RNF217: variants seen among roughly 807,000 people sequenced by gnomAD.
RNF217 encodes the protein E3 ubiquitin-protein ligase RNF217.
In RNF217, 31 loss-of-function variants were observed where a neutral mutation model predicts 57.8. The observed-to-expected ratio is 0.54, with a 90% confidence interval of 0.40 to 0.72. The LOEUF (loss-of-function observed/expected upper bound fraction) is 0.72, where lower values mean the gene tolerates loss of function less well. Among genes scored for constraint, RNF217 ranks in the 30% least tolerant of loss-of-function variants. The pLI, the probability that RNF217 is intolerant of heterozygous loss-of-function variation, is 0.00. For missense variants in RNF217, 696 were observed against 708.3 expected, an observed-to-expected ratio of 0.98 and a Z score of 0.20; for synonymous variants, 313 against 294.0, an observed-to-expected ratio of 1.06 and a Z score of -0.66.
chr6:125,044,502 A>T (rs485640), intron 1 of RNF217, among the ~76,000 whole-genome samples: 67,890 of 151,914 alleles, frequency 0.45, 15,518 homozygotes, highest in Admixed American at 0.54. Context: ...CTTCTCTCCT[A>T]ATCTAGCTTC....
At chr6:124,981,291 C>G (rs954290759) in intron 1 of RNF217, among the ~76,000 whole-genome samples, 1 of 152,064 alleles carries the variant, frequency 6.6e-6, no homozygotes, top group African/African-American at 2.4e-5. Flanking sequence ...ATATCTGAGA[C>G]GGGTTTCAGT....
intron 1 of RNF217, chr6:125,009,250 A>T (rs1261112242): frequency 6.2e-7 from 1 of 1,610,800 alleles, no homozygotes; most frequent in Non-Finnish European, 8.5e-7. Flanking sequence ...CTTCTCATCC[A>T]CACCCATAAA....
intron 1 of RNF217, among the ~76,000 whole-genome samples, chr6:124,978,495 A>G (rs1784046813): frequency 6.6e-6 from 1 of 151,480 alleles, no homozygotes; most frequent in Admixed American, 6.6e-5. Context: ...TGGAGCCCCA[A>G]GGGGGGTTAC....
chr6:125,045,252 G>A lies in RNF217; in HGVS notation c.924G>A (p.Glu308=). 6.2e-7 allele frequency: 1 copy of A among 1,613,162 alleles called. No homozygotes were observed. ...TAGAAATCAAATGCCCCATCACAGA[G>A]TGTTTTGAATTCTTGGAAGAAACAA... The part of the protein sequence containing the change: ...GQVEIKCPIT[E]CFEFLEETTV... Residue 308 remains glutamate (E), a synonymous_variant, in exon 2 of 6, where the codon GAG becomes GAA. Transcript: ENST00000521654.
intron 3 of RNF217, among the ~76,000 whole-genome samples, chr6:125,075,792 A>G (rs2114640433): frequency 6.6e-6 from 1 of 152,292 alleles, no homozygotes; most frequent in Middle Eastern, 3.4e-3. Flanking sequence ...TCTAATTTCT[A>G]TACAATATCT....
intron 1 of RNF217, among the ~76,000 whole-genome samples, chr6:124,968,132 A>G (rs1225874113): frequency 6.6e-6 from 1 of 152,168 alleles, no homozygotes; most frequent in African/African-American, 2.4e-5. Context: ...ATTTTTGGAA[A>G]CCATTGTGTT....
At chr6:125,015,564 A>C (rs1187044762) in intron 1 of RNF217, among the ~76,000 whole-genome samples, 1 of 152,040 alleles carries the variant, frequency 6.6e-6, no homozygotes, top group African/African-American at 2.4e-5. Flanking sequence ...AATAAACATA[A>C]ATGCCAAGTT....
rs117846937 is a variant in RNF217, at chr6:125,054,955, T to A, written c.1117-2987T>A. On this transcript the variant is annotated intron_variant, in intron 2 of 5. Transcript: ENST00000521654. Reference sequence around the variant, plus strand: ...GAAGGCAGGCACTCCATGTGGTGGGTATGTGGTTGTGAGATAGCATTTCAT... The same window carrying A: ...GAAGGCAGGCACTCCATGTGGTGGGAATGTGGTTGTGAGATAGCATTTCAT... Among the ~76,000 whole-genome samples the A allele has an allele frequency of 7.2e-4, 110 of 152,176 alleles. 1 individual carries two copies. In the East Asian group the frequency reaches 0.019, roughly 26 times the overall value.
At position 124,962,797 on chromosome 6, in the gene RNF217, G is replaced by C; in HGVS notation, c.253G>C (p.Ala85Pro). 1 of 1,597,378 alleles carries C rather than the reference G, an allele frequency of 6.3e-7. No homozygotes were observed. The highest frequency in any genetic ancestry group is 8.5e-7 in the Non-Finnish European group (1 of 1,179,576). Residue 85 changes from alanine (A) to proline (P), a missense_variant, in exon 1 of 6, where the codon GCG becomes CCG. By Grantham distance (27) the Ala-to-Pro change is conservative. This residue lies in a region of RNF217 where 465 missense variants were observed against 386.8 expected (regional missense o/e 1.20). Coordinates refer to ENST00000521654, the MANE Select transcript of RNF217 (RefSeq NM_001286398.3). This position sits in a 1 kb window ranked among gnomAD's most constrained non-coding sequence, Gnocchi z 4.6. ...PPGWSKSRAP[A>P]QPAGLALTGP... is the part of the protein sequence containing the mutation. ...GGGCTGGAGTAAGAGCCGAGCACCG[G>C]CGCAGCCTGCGGGACTGGCACTCAC...
Position 125,092,111 on chromosome 6 carries a change from C to A in RNF217, c.*9174C>A, listed in dbSNP as rs1164299450. The A allele has an allele frequency of 1.1e-4, 17 of 151,576 alleles. No homozygotes were observed. The highest frequency in any genetic ancestry group is 4.1e-4 in the African/African-American group (17 of 41,284). 9.4% of individuals were successfully genotyped at this position (151,576 alleles called of 1,614,324 possible). ...AGAATCTTCCTGCCAACAGGTAGGT[C>A]CTGCTGGACAGGACCTGAAAATTAA... On this transcript the variant is annotated 3_prime_UTR_variant, in exon 6 of 6. Coordinates refer to ENST00000521654, the MANE Select transcript of RNF217 (RefSeq NM_001286398.3).
At chr6:125,022,326 G>A (rs987318427) in intron 1 of RNF217, among the ~76,000 whole-genome samples, 1 of 152,114 alleles carries the variant, frequency 6.6e-6, no homozygotes, top group Non-Finnish European at 1.5e-5. Context: ...TATACAGTAC[G>A]AATTCAGTGA....
intron 2 of RNF217, among the ~76,000 whole-genome samples, chr6:125,049,720 G>A (rs1024139415): frequency 1.3e-5 from 2 of 151,850 alleles, no homozygotes; most frequent in South Asian, 2.1e-4. Flanking sequence ...TAGGCAAAGA[G>A]AGCAGAATGA....
intron 5 of RNF217, 127 bp from the exon 6 acceptor site, chr6:125,082,737 T>C (rs1788619765): frequency 8.6e-7 from 1 of 1,166,486 alleles, no homozygotes; most frequent in African/African-American, 1.6e-5. Flanking sequence ...AGTAAATACA[T>C]TTCATAGCAT....
intron 2 of RNF217, among the ~76,000 whole-genome samples, chr6:125,047,341 C>T (rs1002666194): frequency 2.0e-5 from 3 of 151,996 alleles, no homozygotes; most frequent in African/African-American, 4.8e-5. Flanking sequence ...AAATGTTTTA[C>T]GTCTCATTTC....
chr6:125,049,028 T>C (rs1787206985), intron 2 of RNF217, among the ~76,000 whole-genome samples: 1 of 152,072 alleles, frequency 6.6e-6, no homozygotes, highest in Non-Finnish European at 1.5e-5. Flanking sequence ...CCTAAAACTC[T>C]TGTCATGATG....
intron 1 of RNF217, among the ~76,000 whole-genome samples, chr6:124,975,658 T>C (rs1735801323): frequency 6.6e-6 from 1 of 152,142 alleles, no homozygotes; most frequent in South Asian, 2.1e-4. Context: ...GCTGGTCTTA[T>C]ACTCCTGGGC....
chr6:125,037,707 A>G (rs1261302548), intron 1 of RNF217, among the ~76,000 whole-genome samples: 3 of 152,116 alleles, frequency 2.0e-5, no homozygotes, highest in Non-Finnish European at 4.4e-5. Flanking sequence ...AATCCACACA[A>G]ACTACCTGGA....
intron 1 of RNF217, chr6:124,983,283 A>T (rs895475104): frequency 3.9e-6 from 3 of 777,002 alleles, no homozygotes; most frequent in African/African-American, 1.9e-5. Flanking sequence ...GTGTCTTGTG[A>T]TGTAGAGACA....
chr6:125,038,922 T>C (rs1280301763), intron 1 of RNF217, among the ~76,000 whole-genome samples: 1 of 152,100 alleles, frequency 6.6e-6, no homozygotes, highest in Non-Finnish European at 1.5e-5. Flanking sequence ...GCTGCAACTA[T>C]CAACCCATCA....
Sources: gnomAD v4.1 joint callset for allele counts (sites outside exome capture counted in the v4.1 genomes callset) on GRCh38, gnomAD v4.1.1 for gene constraint, gnomAD v4.1.1 regional missense constraint, Gnocchi (gnomAD v3.1) non-coding constraint, MANE v1.5 for transcripts, NCBI Gene and HGNC (gene_info 2026-07-23, HGNC 2026-07-21) for gene names.